Variants in CNTN3 observed in about 807,000 individuals in gnomAD.
CNTN3 encodes contactin 3, also known as contactin-3.
A neutral mutation model predicts 119.1 loss-of-function variants in CNTN3; 60 were observed. The ratio of observed to expected loss-of-function variants is 0.50; its 90% CI spans 0.41 to 0.62. The LOEUF (loss-of-function observed/expected upper bound fraction) is 0.62. Ranked by LOEUF, CNTN3 falls within the 20% of genes least tolerant of loss-of-function variation. CNTN3 has a pLI of 0.00. For synonymous variants in CNTN3, 450 were observed against 438.7 expected (o/e 1.03, Z -0.32); for missense variants, 1,101 against 1,242.4 (o/e 0.89, Z 1.71).
chr3:74,460,130 T>A (rs998522487), intron 4 of CNTN3, among the ~76,000 whole-genome samples: 2 of 152,096 alleles, frequency 1.3e-5, no homozygotes, highest in African/African-American at 4.8e-5. Flanking sequence ...GTGTCTTCTC[T>A]ACCAACACAA....
At chr3:74,395,350 G>A (rs1028906724) in intron 5 of CNTN3, among the ~76,000 whole-genome samples, 5 of 148,962 alleles carry the variant, frequency 3.4e-5, no homozygotes, top group Admixed American at 6.8e-5. Context: ...CATCCACACT[G>A]CCTGTTATAT....
chr3:74,586,248 G>A (rs1236238144), intron 1 of CNTN3, among the ~76,000 whole-genome samples: 3 of 151,974 alleles, frequency 2.0e-5, no homozygotes, highest in Non-Finnish European at 2.9e-5. Context: ...AGTGATAGGG[G>A]AGGTTTCTAA....
chr3:74,295,736 G>A (rs1019021893), intron 18 of CNTN3, among the ~76,000 whole-genome samples: 3 of 152,188 alleles, frequency 2.0e-5, no homozygotes, highest in Middle Eastern at 3.2e-3. Context: ...TTTTGAAGGA[G>A]TAGATAGAAA....
intron 20 of CNTN3, among the ~76,000 whole-genome samples, chr3:74,280,059 T>C (rs1201673282): frequency 6.6e-6 from 1 of 152,200 alleles, no homozygotes; most frequent in African/African-American, 2.4e-5. Flanking sequence ...AGGGGATGGA[T>C]ACTTCATTCT....
At chr3:74,505,447 CGTGT>C (rs140722806) in intron 2 of CNTN3, among the ~76,000 whole-genome samples, 125,835 of 148,816 alleles carry the variant, frequency 0.85, 54,091 homozygotes, top group Non-Finnish European at 0.93. Flanking sequence ...GAACACTATA[CGTGT>C]GTGTGTGTGT....
intron 4 of CNTN3, among the ~76,000 whole-genome samples, chr3:74,468,927 C>T (rs186013670): frequency 6.6e-6 from 1 of 152,082 alleles, no homozygotes; most frequent in Non-Finnish European, 1.5e-5. Context: ...TTAGTTTCAA[C>T]AAGTACTGCT....
chr3:74,521,222 TAAAAA>T, intron 1 of CNTN3, 30 bp from the exon 2 acceptor site: 2 of 317,772 alleles, frequency 6.3e-6, no homozygotes, highest in African/African-American at 2.4e-5. Context: ...AGAAGTTCGT[TAAAAA>T]AAAAAAAAAA....
At chr3:74,585,535 AT>A (rs2106675609) in intron 1 of CNTN3, among the ~76,000 whole-genome samples, 1 of 152,292 alleles carries the variant, frequency 6.6e-6, no homozygotes, top group South Asian at 2.1e-4. Flanking sequence ...CCTATATAGT[AT>A]AATGAACTGA....
intron 1 of CNTN3, among the ~76,000 whole-genome samples, chr3:74,596,377 A>G (rs2106696381): frequency 6.6e-6 from 1 of 152,304 alleles, no homozygotes; most frequent in African/African-American, 2.4e-5. Flanking sequence ...CCACATCACC[A>G]AGTCAATCCT....
intron 1 of CNTN3, among the ~76,000 whole-genome samples, chr3:74,535,970 C>T (rs1266776452): frequency 1.3e-5 from 2 of 152,012 alleles, no homozygotes. Flanking sequence ...AAATATGCAA[C>T]ACTACGTATT....
chr3:74,384,003 T>C (rs1232301687), intron 5 of CNTN3, among the ~76,000 whole-genome samples: 2 of 152,212 alleles, frequency 1.3e-5, no homozygotes, highest in African/African-American at 4.8e-5. Context: ...TCAAAGCTCA[T>C]GCCATAGTCC....
intron 4 of CNTN3, among the ~76,000 whole-genome samples, chr3:74,444,282 T>TG (rs930929446): frequency 1.3e-4 from 19 of 151,772 alleles, no homozygotes; most frequent in African/African-American, 4.1e-4. Flanking sequence ...TGTCTCTTAT[T>TG]GGGGGGGTTG....
At chr3:74,584,594 T>C (rs1310963990) in intron 1 of CNTN3, among the ~76,000 whole-genome samples, 1 of 152,128 alleles carries the variant, frequency 6.6e-6, no homozygotes, top group Admixed American at 6.5e-5. Flanking sequence ...AGTCTGCAGA[T>C]CCGTGAGCCA....
rs376695349 is a variant in CNTN3, at chr3:74,325,438, A to G, written c.1668+9297T>C. Among the ~76,000 whole-genome samples the G allele has an allele frequency of 3.3e-5, 5 of 152,260 alleles. 1 individual carries two copies. The highest frequency in any genetic ancestry group is 1.2e-4 in the African/African-American group (5 of 41,556). On this transcript the variant is annotated intron_variant, in intron 13 of 22. Transcript: ENST00000263665. ...TAATAAGCAAATGGAGAGATTTTCA[A>G]TCTCATTAATCTGAGAAATGAGAGG... is the stretch of plus-strand genomic sequence containing the variant.
chr3:74,369,417 T>A, intron 7 of CNTN3, 44 bp from the exon 8 acceptor site: 1 of 1,438,806 alleles, frequency 7.0e-7, no homozygotes, highest in Non-Finnish European at 9.3e-7. Context: ...TCTGGAAGCC[T>A]TTTCAACTTG....
In CNTN3 at chr3:74,577,639, T is replaced by C. The variant is rs1704440096; in HGVS notation, c.-81+36752A>G. On this transcript the variant is annotated intron_variant, in intron 1 of 22. Transcript: ENST00000263665. Reference sequence around the variant, plus strand: ...GAAAGCCATATCCGTTCTTGATTAGTAGCATTTGCAACCTATTGCCTTTTT... The same window carrying C: ...GAAAGCCATATCCGTTCTTGATTAGCAGCATTTGCAACCTATTGCCTTTTT... Among the ~76,000 whole-genome samples, 3 of 152,088 alleles carry C rather than the reference T, an allele frequency of 2.0e-5. No individual in the cohort carries two copies. In the South Asian group the frequency reaches 6.2e-4, roughly 32 times the overall value.
chr3:74,575,819 G>T (rs576842440), intron 1 of CNTN3, among the ~76,000 whole-genome samples: 2 of 151,966 alleles, frequency 1.3e-5, no homozygotes, highest in South Asian at 4.2e-4. Context: ...TTACTATGAA[G>T]ATACTAACTG....
intron 11 of CNTN3, among the ~76,000 whole-genome samples, chr3:74,361,132 T>C (rs1235140617): frequency 2.6e-5 from 4 of 151,982 alleles, no homozygotes; most frequent in Non-Finnish European, 5.9e-5. Context: ...TAATAAATAA[T>C]AAATATATAG....
At chr3:74,400,123 C>A (rs550010454) in intron 5 of CNTN3, among the ~76,000 whole-genome samples, 1 of 152,122 alleles carries the variant, frequency 6.6e-6, no homozygotes, top group East Asian at 1.9e-4. Flanking sequence ...GTTATAAAAT[C>A]ATTAAAAAAT....
Sources: allele counts gnomAD v4.1 joint callset (sites outside exome capture counted in the v4.1 genomes callset), GRCh38; gene constraint gnomAD v4.1.1; transcripts MANE v1.5; gene names NCBI Gene and HGNC (gene_info 2026-07-23, HGNC 2026-07-21).